Variants in LIMCH1 observed in about 807,000 individuals in gnomAD.
LIMCH1 encodes the protein LIM and calponin homology domains-containing protein 1.
Under a neutral mutation model 176.5 loss-of-function variants are expected in LIMCH1, and 113 were observed. That is an observed-to-expected ratio of 0.64 (90% CI 0.55 to 0.75). LIMCH1 has a LOEUF of 0.75. Ranked by LOEUF, LIMCH1 falls within the 30% of genes least tolerant of loss-of-function variation. The pLI is 0.00. For synonymous variants in LIMCH1, 619 were observed against 645.9 expected, an observed-to-expected ratio of 0.96 and a Z score of 0.63; for missense variants, 1,674 against 1,814.9, an observed-to-expected ratio of 0.92 and a Z score of 1.41.
chr4:41,601,738 GGAGTA>G (rs1249031704), intron 2 of LIMCH1, among the ~76,000 whole-genome samples: 4 of 152,316 alleles, frequency 2.6e-5, no homozygotes, highest in Non-Finnish European at 4.4e-5. Context: ...GTTTTAGTAA[GGAGTA>G]GAGTATGGAA....
chr4:41,690,234 T>C (rs1724418417), intron 30 of LIMCH1, among the ~76,000 whole-genome samples: 1 of 152,212 alleles, frequency 6.6e-6, no homozygotes. Flanking sequence ...TATTATCTCC[T>C]CTAATAAACT....
chr4:41,407,087 C>T (rs541578777), intron 1 of LIMCH1, among the ~76,000 whole-genome samples: 7 of 152,254 alleles, frequency 4.6e-5, no homozygotes, highest in African/African-American at 1.7e-4. Flanking sequence ...GCCTGGAGCA[C>T]AGCCTCACTT....
chr4:41,682,931 C>A (rs546211682), intron 26 of LIMCH1, among the ~76,000 whole-genome samples: 9 of 152,282 alleles, frequency 5.9e-5, no homozygotes, highest in African/African-American at 2.2e-4. Context: ...CCTGCCTCTA[C>A]CTCCTGAAGT....
chr4:41,597,243 G>A (rs1244381838), intron 1 of LIMCH1, among the ~76,000 whole-genome samples: 7 of 152,076 alleles, frequency 4.6e-5, no homozygotes, highest in African/African-American at 1.4e-4. Context: ...TCGTTTGGGG[G>A]CTGTGTGATC....
intron 1 of LIMCH1, among the ~76,000 whole-genome samples, chr4:41,410,288 C>T (rs2059363924): frequency 6.6e-6 from 1 of 152,158 alleles, no homozygotes. Context: ...TTCCTAGGGC[C>T]TGTAGATTGC....
intron 1 of LIMCH1, among the ~76,000 whole-genome samples, chr4:41,568,594 A>C (rs2083084496): frequency 6.6e-6 from 1 of 152,240 alleles, no homozygotes; most frequent in African/African-American, 2.4e-5. Context: ...AGAAAGACTG[A>C]ATGAGAAAAA....
intron 1 of LIMCH1, among the ~76,000 whole-genome samples, chr4:41,443,580 A>G (rs181408958): frequency 6.6e-6 from 1 of 152,246 alleles, no homozygotes; most frequent in Non-Finnish European, 1.5e-5. Context: ...ATTTTTTTAA[A>G]CCTTCACATG....
At chr4:41,591,434 G>C (rs149570507) in intron 1 of LIMCH1, among the ~76,000 whole-genome samples, 23 of 152,126 alleles carry the variant, frequency 1.5e-4, no homozygotes, top group African/African-American at 5.3e-4. Context: ...TTTATAGAGA[G>C]AGTCTTGCTC....
At chr4:41,510,991 G>C (rs910725927) in intron 2 of LIMCH1, among the ~76,000 whole-genome samples, 2 of 152,212 alleles carry the variant, frequency 1.3e-5, no homozygotes, top group African/African-American at 4.8e-5. Context: ...CTGTATATCT[G>C]AGTGATTAGC....
intron 13 of LIMCH1, among the ~76,000 whole-genome samples, chr4:41,638,079 G>C (rs528407260): frequency 2.0e-5 from 3 of 150,294 alleles, no homozygotes; most frequent in South Asian, 4.2e-4. Flanking sequence ...TGAAGAGACA[G>C]GCATTTGTGG....
At chr4:41,653,029 T>C (rs1455727823) in intron 18 of LIMCH1, among the ~76,000 whole-genome samples, 2 of 152,216 alleles carry the variant, frequency 1.3e-5, no homozygotes, top group Admixed American at 6.5e-5. Flanking sequence ...TATAGTACTT[T>C]AGGCTTTTGA....
At chr4:41,489,050 A>G (rs1031548755) in intron 1 of LIMCH1, among the ~76,000 whole-genome samples, 20 of 152,190 alleles carry the variant, frequency 1.3e-4, no homozygotes, top group Admixed American at 9.2e-4. Flanking sequence ...CTAAGTTGAC[A>G]AAGTTATTGG....
At chr4:41,487,154 C>G (rs562727369) in intron 1 of LIMCH1, among the ~76,000 whole-genome samples, 1 of 152,134 alleles carries the variant, frequency 6.6e-6, no homozygotes, top group East Asian at 1.9e-4. Context: ...CCACCACGCC[C>G]GGCCGAGAAT....
chr4:41,606,956 G>T (rs2090809942), intron 4 of LIMCH1, among the ~76,000 whole-genome samples: 1 of 152,104 alleles, frequency 6.6e-6, no homozygotes, highest in Non-Finnish European at 1.5e-5. Context: ...CCACCACTAA[G>T]CCTGGCTAAT....
At chr4:41,658,592 T>C (rs2094526666) in intron 18 of LIMCH1, among the ~76,000 whole-genome samples, 1 of 152,184 alleles carries the variant, frequency 6.6e-6, no homozygotes, top group Non-Finnish European at 1.5e-5. Flanking sequence ...TGAACTATCT[T>C]ATTTCATTGA....
chr4:41,587,677 A>G (rs1020381785), intron 1 of LIMCH1, among the ~76,000 whole-genome samples: 18 of 150,722 alleles, frequency 1.2e-4, no homozygotes, highest in East Asian at 3.9e-4. Flanking sequence ...GCCTATTTAC[A>G]TCTGGATTTC....
At chr4:41,379,182 A>T (rs1320392135) in intron 1 of LIMCH1, among the ~76,000 whole-genome samples, 1 of 152,150 alleles carries the variant, frequency 6.6e-6, no homozygotes, top group African/African-American at 2.4e-5. Context: ...TGCAAACAAG[A>T]TGTTGGCTGG....
At chr4:41,420,416 T>C (rs2060509589) in intron 1 of LIMCH1, among the ~76,000 whole-genome samples, 1 of 152,184 alleles carries the variant, frequency 6.6e-6, no homozygotes, top group Non-Finnish European at 1.5e-5. Context: ...AAAAGATCTA[T>C]CAGAGCCATG....
At chr4:41,653,415 C>T (rs776382037) in intron 18 of LIMCH1, among the ~76,000 whole-genome samples, 3 of 151,976 alleles carry the variant, frequency 2.0e-5, no homozygotes, top group Non-Finnish European at 4.4e-5. Flanking sequence ...ACTTCAGGGC[C>T]TCCCAGAGAC....
Sources: allele counts gnomAD v4.1 joint callset (sites outside exome capture counted in the v4.1 genomes callset), GRCh38; gene constraint gnomAD v4.1.1; transcripts MANE v1.5; gene names NCBI Gene and HGNC (gene_info 2026-07-23, HGNC 2026-07-21).